Variants in GNS observed in about 807,000 individuals in gnomAD.
GNS encodes the protein glucosamine (N-acetyl)-6-sulfatase, also known as N-acetylglucosamine-6-sulfatase.
In GNS, 40 loss-of-function variants were observed where a neutral mutation model predicts 69.7. The observed-to-expected ratio is 0.57, with a 90% confidence interval of 0.45 to 0.75. The LOEUF (loss-of-function observed/expected upper bound fraction) is 0.75, where lower values mean the gene tolerates loss of function less well. GNS is among the 30% of genes least tolerant of loss of function. The pLI is 0.00. For missense variants in GNS, 565 were observed against 685.5 expected, an observed-to-expected ratio of 0.82 and a Z score of 1.96; for synonymous variants, 243 against 251.6, an observed-to-expected ratio of 0.97 and a Z score of 0.32.
chr12:64,743,300 G>T lies in GNS; in HGVS notation c.633C>A (p.Val211=), dbSNP rs367799685. 2 of 1,610,374 alleles carry T rather than the reference G, an allele frequency of 1.2e-6. No homozygotes were observed. The highest frequency in any genetic ancestry group is 1.7e-6 in the Non-Finnish European group (2 of 1,176,710). ...VDYLTDVLAN[V]SLDFLDYKSN... ...ACTTGTAGTCCAGAAAGTCCAAGGA[G>T]ACATTAGCCTGACACATAAAAAGAT... Residue 211 remains valine (V), a synonymous_variant, in exon 6 of 14, where the codon GTC becomes GTA. Transcript: ENST00000258145.
chr12:64,723,947 G>A (rs1483947892), intron 10 of GNS, among the ~76,000 whole-genome samples: 1 of 152,162 alleles, frequency 6.6e-6, no homozygotes, highest in African/African-American at 2.4e-5. Context: ...TTTGAGCAGG[G>A]AGGTAACACA....
At chr12:64,721,847 A>T in intron 11 of GNS, 142 bp from the exon 12 acceptor site, 1 of 703,330 alleles carries the variant, frequency 1.4e-6, no homozygotes, top group Non-Finnish European at 2.6e-6. Context: ...GGAAGCCAGT[A>T]ACTCAAAAAC....
At position 64,749,537 on chromosome 12, in the gene GNS, C is replaced by A. The variant is rs931179316; in HGVS notation, c.253-1619G>T. 2.0e-5 allele frequency among the ~76,000 whole-genome samples: 3 copies of A among 152,356 alleles called. No homozygotes were observed. In the East Asian group the frequency reaches 5.8e-4, roughly 29 times the overall value. ...AAAGTGCTGGGATTATAGGCGTGAGCCACCGTGTCTAGCCGATTTGACATT... is the reference window on the plus strand; with the variant it reads ...AAAGTGCTGGGATTATAGGCGTGAGACACCGTGTCTAGCCGATTTGACATT... On this transcript the variant is annotated intron_variant, in intron 2 of 13. Coordinates refer to ENST00000258145, the MANE Select transcript of GNS (RefSeq NM_002076.4).
In GNS at chr12:64,747,886, T is replaced by C. The variant is rs545765198; in HGVS notation, c.285A>G (p.Arg95=). 340 of 1,610,452 alleles carry C rather than the reference T, an allele frequency of 2.1e-4. 4 individuals carry two copies. In the South Asian group the frequency reaches 3.4e-3, roughly 16 times the overall value. The change falls in exon 3 of 14, where the codon AGA becomes AGG. Residue 95 remains arginine, a synonymous_variant. Coordinates refer to ENST00000258145, the MANE Select transcript of GNS (RefSeq NM_002076.4). ...GGTACTTTCCTGTCAGGATACTGGCTCTGCTGGGGCAGCAGAGAGCACTTG... is the reference window on the plus strand; with the variant it reads ...GGTACTTTCCTGTCAGGATACTGGCCCTGCTGGGGCAGCAGAGAGCACTTG... ...YVPSALCCPS[R]ASILTGKYPH... is the part of the protein sequence containing the mutation.
intron 12 of GNS, among the ~76,000 whole-genome samples, chr12:64,720,781 G>A (rs1869001259): frequency 6.6e-6 from 1 of 152,168 alleles, no homozygotes; most frequent in South Asian, 2.1e-4. Flanking sequence ...TCTGTATGCT[G>A]TTCTCCAAAT....
At chr12:64,755,909 T>C (rs1248407035) in intron 1 of GNS, among the ~76,000 whole-genome samples, 2 of 151,976 alleles carry the variant, frequency 1.3e-5, no homozygotes, top group African/African-American at 4.8e-5. Context: ...CCTCGTGATC[T>C]GTCCACCTCG....
intron 2 of GNS, among the ~76,000 whole-genome samples, chr12:64,752,123 A>T (rs1415516230): frequency 6.6e-6 from 1 of 152,074 alleles, no homozygotes; most frequent in East Asian, 1.9e-4. Context: ...GTCCAAGGTC[A>T]CACTGCTAGA....
intron 8 of GNS, 56 bp downstream of exon 8, chr12:64,739,325 G>A: frequency 2.2e-6 from 2 of 919,322 alleles, no homozygotes; most frequent in Non-Finnish European, 3.7e-6. Context: ...CTCATTGGGT[G>A]AAAAAGGAAA....
intron 4 of GNS, 125 bp from the exon 5 acceptor site, chr12:64,745,032 A>G (rs142262035): frequency 5.4e-5 from 36 of 664,502 alleles, no homozygotes; most frequent in Admixed American, 3.9e-4. Context: ...TACTCAAGTC[A>G]ATACTGAATT....
In GNS at chr12:64,720,422, A is replaced by T. The variant is rs999134555; in HGVS notation, c.1420-240T>A. ...TCGGGTCTCTAGCCACATGCTAAAA[A>T]GGGGCCCCTGCACACCCTGTGCCTT... On this transcript the variant is annotated intron_variant, in intron 12 of 13. Transcript: ENST00000258145. Among the ~76,000 whole-genome samples, 5 of 152,172 alleles carry T rather than the reference A, an allele frequency of 3.3e-5. No individual in the cohort carries two copies. The South Asian group carries it at 1.0e-3, about 32-fold the overall frequency.
In GNS at chr12:64,743,146, C is replaced by G; in HGVS notation, c.787G>C (p.Gly263Arg). 3 of 1,610,724 alleles carry G rather than the reference C, an allele frequency of 1.9e-6. No individual in the cohort carries two copies. The highest frequency in any genetic ancestry group is 2.5e-6 in the Non-Finnish European group (3 of 1,176,990). The change falls in exon 6 of 14, where the codon GGA (glycine) becomes CGA (arginine). Residue 263 changes from glycine (G) to arginine (R), a missense_variant. Around this residue, in one of 2 missense-constraint regions of GNS, gnomAD observed 384 missense variants for 511.0 expected, o/e 0.75. Coordinates refer to ENST00000258145, the MANE Select transcript of GNS (RefSeq NM_002076.4). ...APRNKNFNIH[G>R]TNKHWLIRQA... The stretch of plus-strand genomic sequence containing the variant: ...CAAGTGGTGGGGGAAGCTACCGTTC[C>G]ATGGATGTTGAAGTTCTTGTTTCTT...
intron 10 of GNS, among the ~76,000 whole-genome samples, chr12:64,728,102 T>C (rs1184119098): frequency 6.6e-6 from 1 of 152,078 alleles, no homozygotes; most frequent in Non-Finnish European, 1.5e-5. Flanking sequence ...TTTTTGTATT[T>C]TTAGTAGAGA....
At chr12:64,746,461 C>A (rs531909332) in intron 3 of GNS, among the ~76,000 whole-genome samples, 1 of 152,304 alleles carries the variant, frequency 6.6e-6, no homozygotes, top group South Asian at 2.1e-4. Context: ...AAGTATCATG[C>A]AAATATTTCA....
Position 64,716,626 on chromosome 12 carries a change from C to G in GNS, c.*115G>C, listed in dbSNP as rs1311184206. 1 of 772,438 alleles carries G rather than the reference C, an allele frequency of 1.3e-6. No individual in the cohort carries two copies. The highest frequency in any genetic ancestry group is 2.6e-5 in the East Asian group (1 of 38,466). 47.8% of individuals were successfully genotyped at this position (772,438 alleles called of 1,614,324 possible). A position where few individuals can be genotyped will look rare whatever the true frequency, so the allele number is the denominator to read the frequency against. On this transcript the variant is annotated 3_prime_UTR_variant, in exon 14 of 14. Coordinates refer to ENST00000258145, the MANE Select transcript of GNS (RefSeq NM_002076.4). ...TTGCTTTTTCAAACAGGACTTAAAG[C>G]CAGCCCAGAAACTCTTCCAGGTGTG... is the stretch of plus-strand genomic sequence containing the variant.
At chr12:64,739,202 C>A (rs12300259) in intron 8 of GNS, among the ~76,000 whole-genome samples, 179 bp downstream of exon 8, 1 of 152,028 alleles carries the variant, frequency 6.6e-6, no homozygotes, top group African/African-American at 2.4e-5. Context: ...AATAATGAAA[C>A]CTGGTTTCTC....
At chr12:64,725,658 T>C (rs1316624498) in intron 10 of GNS, among the ~76,000 whole-genome samples, 1 of 152,118 alleles carries the variant, frequency 6.6e-6, no homozygotes, top group Non-Finnish European at 1.5e-5. Context: ...ATACACAACA[T>C]AATGATTTTT....
intron 9 of GNS, among the ~76,000 whole-genome samples, chr12:64,730,457 A>G (rs1016143350): frequency 1.5e-5 from 2 of 137,824 alleles, no homozygotes; most frequent in African/African-American, 5.2e-5. Context: ...AAAAAAAAAA[A>G]GCTTCAGAAT....
In GNS at chr12:64,752,829, T is replaced by C. The variant is rs143997641; in HGVS notation, c.193-72A>G. ...TGAGACACACAGCCCAGAATTCCTG[T>C]TTTGTTACATCTTACTCAATCTTTT... On this transcript the variant is annotated intron_variant, in intron 1 of 13. Coordinates refer to ENST00000258145, the MANE Select transcript of GNS (RefSeq NM_002076.4). 19 of 796,026 alleles carry C rather than the reference T, an allele frequency of 2.4e-5. No individual in the cohort carries two copies. The African/African-American group carries it at 2.9e-4, about 12-fold the overall frequency. 49.3% of individuals were successfully genotyped at this position (796,026 alleles called of 1,614,324 possible).
chr12:64,713,653 T>C lies in GNS; in HGVS notation c.*3088A>G, dbSNP rs1231458594. 3 of 152,018 alleles carry C rather than the reference T, an allele frequency of 2.0e-5. No homozygotes were observed. Among genetic ancestry groups the C allele is most frequent in the South Asian group, 2.1e-4 (1 of 4,832 alleles). 9.4% of individuals were successfully genotyped at this position (152,018 alleles called of 1,614,324 possible). ...ACCCAACTCTACCCATCTAATTCCA[T>C]TGGTGGATCAGTTGAATTAACTTTT... On this transcript the variant is annotated 3_prime_UTR_variant, in exon 14 of 14. Coordinates refer to ENST00000258145, the MANE Select transcript of GNS (RefSeq NM_002076.4).
Sources: allele counts gnomAD v4.1 joint callset (sites outside exome capture counted in the v4.1 genomes callset), GRCh38; gene constraint gnomAD v4.1.1; regional missense constraint gnomAD v4.1.1; transcripts MANE v1.5; gene names NCBI Gene and HGNC (gene_info 2026-07-23, HGNC 2026-07-21).